Variants in EYS observed in about 807,000 individuals in gnomAD.
EYS encodes protein eyes shut homolog.
A neutral mutation model predicts 282.1 loss-of-function variants in EYS; 250 were observed. The observed-to-expected ratio is 0.89, with a 90% confidence interval of 0.80 to 0.98. The LOEUF is 0.98. EYS is among the 50% of genes least tolerant of loss of function. EYS has a pLI of 0.00. For missense variants in EYS, 4,016 were observed against 3,709.0 expected, an observed-to-expected ratio of 1.08 and a Z score of -2.15; for synonymous variants, 1,355 against 1,282.9, an observed-to-expected ratio of 1.06 and a Z score of -1.20.
Position 65,519,810 on chromosome 6 carries a change from C to T in EYS, c.-332-23817G>A, listed in dbSNP as rs184764054. ...AGTTCACTGCAGCCTCAACCTCCCG[C>T]GGCTTAGGTGATCCTCCCACCTCAA... is the stretch of plus-strand genomic sequence containing the variant. On this transcript the variant is annotated intron_variant, in intron 2 of 42. Transcript: ENST00000503581. 3.9e-3 allele frequency among the ~76,000 whole-genome samples: 555 copies of T among 142,954 alleles called. 3 individuals are homozygous for T. Among genetic ancestry groups the T allele is most frequent in the Non-Finnish European group, 4.1e-3 (273 of 66,226 alleles). 93.8% of individuals were successfully genotyped at this position (142,954 alleles called of 152,430 possible). A position where few individuals can be genotyped will look rare whatever the true frequency, so the allele number is the denominator to read the frequency against.
chr6:65,144,860 G>A (rs2150211203), intron 12 of EYS, among the ~76,000 whole-genome samples: 1 of 151,912 alleles, frequency 6.6e-6, no homozygotes, highest in African/African-American at 2.4e-5. Context: ...CGCCTCCCAG[G>A]TTCAAGCGAT....
intron 14 of EYS, among the ~76,000 whole-genome samples, chr6:64,962,330 T>G (rs1459993744): frequency 6.6e-6 from 1 of 152,138 alleles, no homozygotes; most frequent in African/African-American, 2.4e-5. Context: ...TAAATAAAAA[T>G]AAACTGTTTA....
At chr6:64,520,832 G>A (rs941509598) in intron 26 of EYS, among the ~76,000 whole-genome samples, 4 of 151,642 alleles carry the variant, frequency 2.6e-5, no homozygotes, top group African/African-American at 7.3e-5. Context: ...AAAACTCTCA[G>A]AACTCTGGTG....
chr6:64,019,422 A>AT (rs752266932), intron 33 of EYS, among the ~76,000 whole-genome samples: 1 of 151,018 alleles, frequency 6.6e-6, no homozygotes, highest in South Asian at 2.1e-4. Flanking sequence ...TTTCCTTTTT[A>AT]TTTTTTTAAA....
At chr6:65,486,192 T>C (rs1765776538) in intron 5 of EYS, among the ~76,000 whole-genome samples, 1 of 152,216 alleles carries the variant, frequency 6.6e-6, no homozygotes, top group Non-Finnish European at 1.5e-5. Context: ...AAATAAAAAC[T>C]GTAGTTGCAA....
chr6:64,759,641 T>C (rs1260653353), intron 22 of EYS, among the ~76,000 whole-genome samples: 1 of 152,146 alleles, frequency 6.6e-6, no homozygotes, highest in Non-Finnish European at 1.5e-5. Flanking sequence ...TTCATAGATA[T>C]AGATAAAAAT....
chr6:64,333,504 C>T (rs1770717027), intron 29 of EYS, among the ~76,000 whole-genome samples: 1 of 152,132 alleles, frequency 6.6e-6, no homozygotes. Flanking sequence ...AGCAACTATA[C>T]ACAGGAAGGG....
At chr6:64,859,938 A>T (rs368500310) in intron 19 of EYS, among the ~76,000 whole-genome samples, 1 of 152,284 alleles carries the variant, frequency 6.6e-6, no homozygotes, top group Non-Finnish European at 1.5e-5. Context: ...ATATCTTTTT[A>T]TATCTCTTCT....
chr6:64,337,378 A>G (rs188273478), intron 29 of EYS, among the ~76,000 whole-genome samples: 1,719 of 152,188 alleles, frequency 0.011, 33 homozygotes, highest in African/African-American at 0.039. Context: ...TAGAAAACCT[A>G]GAAGAGATGA....
intron 31 of EYS, among the ~76,000 whole-genome samples, chr6:64,131,893 A>G (rs1157587875): frequency 6.6e-6 from 1 of 152,192 alleles, no homozygotes; most frequent in Non-Finnish European, 1.5e-5. Context: ...CTGTTTTTCC[A>G]GAAGAGTAAC....
At chr6:64,634,743 T>G (rs1767913831) in intron 22 of EYS, among the ~76,000 whole-genome samples, 1 of 152,222 alleles carries the variant, frequency 6.6e-6, no homozygotes, top group Non-Finnish European at 1.5e-5. Flanking sequence ...AAGAAGGGAA[T>G]TTAATAAATT....
rs545681031 is a variant in EYS at position 63,835,348 on chromosome 6, T to TAC, written c.7228+28836_7228+28837dup. The stretch of plus-strand genomic sequence containing the variant: ...TATATACTCTCTCTCTATATATATA[T>TAC]ACACACACACACACACACATACAAT... On this transcript the variant is annotated intron_variant, in intron 36 of 42. Coordinates refer to ENST00000503581, the MANE Select transcript of EYS (RefSeq NM_001142800.2). 5.7e-3 allele frequency among the ~76,000 whole-genome samples: 860 copies of TAC among 150,332 alleles called. 6 individuals carry two copies. The highest frequency in any genetic ancestry group is 0.028 in the Middle Eastern group (8 of 290).
intron 30 of EYS, among the ~76,000 whole-genome samples, chr6:64,240,765 C>T (rs1347356809): frequency 1.3e-5 from 2 of 152,134 alleles, no homozygotes; most frequent in Non-Finnish European, 2.9e-5. Context: ...CCTGATTGCC[C>T]TGGCCAGAAC....
At chr6:64,983,398 G>A (rs945127401) in intron 14 of EYS, among the ~76,000 whole-genome samples, 2 of 151,224 alleles carry the variant, frequency 1.3e-5, no homozygotes, top group African/African-American at 4.8e-5. Context: ...GGGAGCATAT[G>A]AGCTATTTGT....
intron 28 of EYS, among the ~76,000 whole-genome samples, chr6:64,419,022 A>G (rs777441434): frequency 6.6e-6 from 1 of 151,972 alleles, no homozygotes; most frequent in Non-Finnish European, 1.5e-5. Flanking sequence ...ATGCAAGATC[A>G]AATAGAACAG....
intron 12 of EYS, among the ~76,000 whole-genome samples, chr6:65,197,780 T>C (rs2150243948): frequency 6.6e-6 from 1 of 152,214 alleles, no homozygotes; most frequent in East Asian, 1.9e-4. Context: ...TAAAAACTGC[T>C]ATACCTGTAT....
intron 37 of EYS, among the ~76,000 whole-genome samples, chr6:63,790,568 T>G (rs1459620052): frequency 2.0e-5 from 3 of 152,216 alleles, no homozygotes; most frequent in Non-Finnish European, 4.4e-5. Context: ...ATTCTGGTGA[T>G]TTCTTCCCAC....
intron 36 of EYS, among the ~76,000 whole-genome samples, chr6:63,844,960 C>T (rs1379877280): frequency 6.6e-6 from 1 of 152,046 alleles, no homozygotes; most frequent in Non-Finnish European, 1.5e-5. Context: ...ATGGTATTGC[C>T]TAGATTTTCT....
chr6:63,806,487 T>G (rs1310472769), intron 36 of EYS, 115 bp from the exon 37 acceptor site: 3 of 868,574 alleles, frequency 3.5e-6, no homozygotes, highest in African/African-American at 3.4e-5. Context: ...TTACATTAAT[T>G]ATACTTTAGT....
Sources: gnomAD v4.1 joint callset for allele counts (sites outside exome capture counted in the v4.1 genomes callset) on GRCh38, gnomAD v4.1.1 for gene constraint, MANE v1.5 for transcripts, NCBI Gene and HGNC (gene_info 2026-07-23, HGNC 2026-07-21) for gene names.